MYO5A: variants seen among roughly 807,000 people sequenced by gnomAD.
The protein encoded by MYO5A is unconventional myosin-Va.
In MYO5A, 98 loss-of-function variants were observed where a neutral mutation model predicts 249.7. That is an observed-to-expected ratio of 0.39 (90% CI 0.33 to 0.46). The LOEUF is 0.46. Ranked by LOEUF, MYO5A falls within the 20% of genes least tolerant of loss-of-function variation. The pLI, the probability that MYO5A is intolerant of heterozygous loss-of-function variation, is 0.98. For missense variants in MYO5A, 1,696 were observed against 2,308.8 expected (o/e 0.73, Z 5.44); for synonymous variants, 778 against 810.6 (o/e 0.96, Z 0.68).
chr15:52,383,292 T>G (rs1024731646), intron 15 of MYO5A, 104 bp from the exon 16 acceptor site: 2 of 950,870 alleles, frequency 2.1e-6, no homozygotes, highest in Non-Finnish European at 3.4e-6. Context: ...GGAGAAAACT[T>G]TGCCACTTAT....
chr15:52,429,255 T>G (rs1241567247), intron 2 of MYO5A, among the ~76,000 whole-genome samples: 1 of 152,230 alleles, frequency 6.6e-6, no homozygotes, highest in Non-Finnish European at 1.5e-5. Context: ...CATATGCTTA[T>G]TCATTCATCA....
intron 2 of MYO5A, among the ~76,000 whole-genome samples, chr15:52,429,931 C>T (rs941857243): frequency 2.6e-5 from 4 of 152,024 alleles, no homozygotes; most frequent in African/African-American, 4.8e-5. Context: ...CACGGGAATA[C>T]GGCTTCATGG....
intron 31 of MYO5A, 21 bp downstream of exon 31, chr15:52,343,096 T>G: frequency 6.3e-7 from 1 of 1,590,382 alleles, no homozygotes. Context: ...TAACATTCCA[T>G]TTTGAGGAGA....
At position 52,309,257 on chromosome 15, in the gene MYO5A, C is replaced by T. The variant is rs2140895196; in HGVS notation, c.*4439G>A. 1 of 152,286 alleles carries T rather than the reference C, an allele frequency of 6.6e-6. No individual in the cohort carries two copies. The highest frequency in any genetic ancestry group is 1.9e-4 in the East Asian group (1 of 5,192). 9.4% of individuals were successfully genotyped at this position (152,286 alleles called of 1,614,324 possible). A position where few individuals can be genotyped will look rare whatever the true frequency, so the allele number is the denominator to read the frequency against. ...TGCCCAAACAGAGTATTGCATCCTC[C>T]CAGAGAGCACTGATTCATGACAGAA... On this transcript the variant is annotated 3_prime_UTR_variant, in exon 42 of 42. Coordinates refer to ENST00000399233, the MANE Select transcript of MYO5A (RefSeq NM_001382347.1).
chr15:52,379,093 T>C (rs908207183), intron 18 of MYO5A, among the ~76,000 whole-genome samples: 4 of 152,180 alleles, frequency 2.6e-5, no homozygotes, highest in Admixed American at 6.5e-5. Flanking sequence ...ATAGTCTCCT[T>C]CCATTTTTGC....
intron 13 of MYO5A, 143 bp downstream of exon 13, chr15:52,389,095 A>G: frequency 1.3e-6 from 1 of 753,864 alleles, no homozygotes; most frequent in East Asian, 2.9e-5. Context: ...GAGAAAACCA[A>G]CATGTCAACA....
chr15:52,457,312 T>C (rs1017247204), intron 1 of MYO5A, among the ~76,000 whole-genome samples: 1 of 150,918 alleles, frequency 6.6e-6, no homozygotes, highest in Admixed American at 6.6e-5. Flanking sequence ...TGTGGTGTAG[T>C]CCCAGCTACT....
chr15:52,522,688 T>C (rs1474073655), intron 1 of MYO5A, among the ~76,000 whole-genome samples: 1 of 152,076 alleles, frequency 6.6e-6, no homozygotes, highest in Non-Finnish European at 1.5e-5. Context: ...AGAAACTAAA[T>C]TACCTTCTGA....
At chr15:52,358,560 C>T (rs533736411) in intron 25 of MYO5A, among the ~76,000 whole-genome samples, 2 of 152,122 alleles carry the variant, frequency 1.3e-5, no homozygotes, top group African/African-American at 4.8e-5. Context: ...GCAGAACTAA[C>T]ACTGGGCCAG....
chr15:52,373,977 A>G (rs2041268039), intron 20 of MYO5A, among the ~76,000 whole-genome samples: 1 of 151,788 alleles, frequency 6.6e-6, no homozygotes, highest in Non-Finnish European at 1.5e-5. Context: ...AAATAAATAA[A>G]TAAATAAATA....
intron 25 of MYO5A, among the ~76,000 whole-genome samples, 184 bp from the exon 26 acceptor site, chr15:52,354,198 CAAT>C (rs548537186): frequency 2.0e-5 from 3 of 152,314 alleles, no homozygotes; most frequent in South Asian, 4.1e-4. Flanking sequence ...AATTAAACAA[CAAT>C]GAGCTGCTAC....
chr15:52,499,959 G>GA (rs1566858157), intron 1 of MYO5A, among the ~76,000 whole-genome samples: 1 of 152,132 alleles, frequency 6.6e-6, no homozygotes, highest in African/African-American at 2.4e-5. Context: ...AAGGCAGGGG[G>GA]ATCGCTTGGG....
intron 1 of MYO5A, chr15:52,438,123 T>C (rs1242980690): frequency 1.2e-6 from 1 of 851,268 alleles, no homozygotes; most frequent in African/African-American, 1.8e-5. Flanking sequence ...TGAGGATATA[T>C]ACCTTAGATG....
intron 23 of MYO5A, among the ~76,000 whole-genome samples, chr15:52,366,451 T>C (rs1385004649): frequency 6.6e-6 from 1 of 151,930 alleles, no homozygotes; most frequent in Non-Finnish European, 1.5e-5. Flanking sequence ...GATCTGTATC[T>C]TCTTACCCCA....
chr15:52,322,765 CTTT>C (rs532700706), intron 37 of MYO5A, among the ~76,000 whole-genome samples: 1 of 144,506 alleles, frequency 6.9e-6, no homozygotes, highest in African/African-American at 2.5e-5. Flanking sequence ...TTTGATCACC[CTTT>C]TTTTTTTTAG....
At chr15:52,486,845 G>A (rs2076831176) in intron 1 of MYO5A, among the ~76,000 whole-genome samples, 1 of 152,152 alleles carries the variant, frequency 6.6e-6, no homozygotes, top group South Asian at 2.1e-4. Context: ...GCTTACAACT[G>A]AGGCTCTATA....
At chr15:52,477,398 A>G (rs1213049119) in intron 1 of MYO5A, among the ~76,000 whole-genome samples, 2 of 151,970 alleles carry the variant, frequency 1.3e-5, no homozygotes, top group South Asian at 2.1e-4. Context: ...TCTTCTCTCA[A>G]CTCGTCAAAG....
At chr15:52,424,410 A>T (rs1482695985) in intron 4 of MYO5A, among the ~76,000 whole-genome samples, 1 of 152,216 alleles carries the variant, frequency 6.6e-6, no homozygotes, top group Non-Finnish European at 1.5e-5. Flanking sequence ...CTCATTTGTA[A>T]AATGAAAATT....
At chr15:52,435,714 G>T in intron 1 of MYO5A, 1 of 443,136 alleles carries the variant, frequency 2.3e-6, no homozygotes, top group Non-Finnish European at 4.5e-6. Context: ...CTGATATAAG[G>T]TTATTAACTA....
Sources: allele counts gnomAD v4.1 joint callset (sites outside exome capture counted in the v4.1 genomes callset), GRCh38; gene constraint gnomAD v4.1.1; transcripts MANE v1.5; gene names NCBI Gene and HGNC (gene_info 2026-07-23, HGNC 2026-07-21).